GRID2: variants seen among roughly 807,000 people sequenced by gnomAD.
The protein encoded by GRID2 is glutamate ionotropic receptor delta type subunit 2.
Under a neutral mutation model 114.8 loss-of-function variants are expected in GRID2, and 33 were observed. That is an observed-to-expected ratio of 0.29 (90% CI 0.22 to 0.38). The LOEUF is 0.38. Ranked by LOEUF, GRID2 falls within the 10% of genes least tolerant of loss-of-function variation. GRID2 has a pLI of 1.00. For synonymous variants in GRID2, 505 were observed against 449.9 expected, an observed-to-expected ratio of 1.12 and a Z score of -1.55; for missense variants, 1,184 against 1,257.7, an observed-to-expected ratio of 0.94 and a Z score of 0.89.
intron 2 of GRID2, among the ~76,000 whole-genome samples, chr4:92,771,731 G>C (rs1309496827): frequency 6.6e-6 from 1 of 152,158 alleles, no homozygotes; most frequent in Non-Finnish European, 1.5e-5. Flanking sequence ...ACTGGGTAGG[G>C]TTGATGAAAC....
chr4:92,830,302 T>C (rs1340482866), intron 2 of GRID2, among the ~76,000 whole-genome samples: 1 of 151,922 alleles, frequency 6.6e-6, no homozygotes. Flanking sequence ...TTGTTTTTTT[T>C]TTTTTTATTC....
chr4:93,503,292 C>T (rs1728303385), intron 12 of GRID2, among the ~76,000 whole-genome samples: 1 of 151,972 alleles, frequency 6.6e-6, no homozygotes. Context: ...AGGTTCAAGT[C>T]TCTTTTCTCC....
At chr4:92,846,338 C>A (rs1285113127) in intron 2 of GRID2, among the ~76,000 whole-genome samples, 1 of 152,034 alleles carries the variant, frequency 6.6e-6, no homozygotes, top group African/African-American at 2.4e-5. Context: ...CTCCCTCTGG[C>A]AGTCCCCAGT....
intron 14 of GRID2, among the ~76,000 whole-genome samples, chr4:93,742,523 G>A (rs1296375359): frequency 6.6e-6 from 1 of 152,204 alleles, no homozygotes; most frequent in East Asian, 1.9e-4. Flanking sequence ...TGTCAACCCT[G>A]CAAGTCTATC....
chr4:92,501,175 T>G (rs1723664464), intron 1 of GRID2, among the ~76,000 whole-genome samples: 1 of 152,170 alleles, frequency 6.6e-6, no homozygotes, highest in African/African-American at 2.4e-5. Flanking sequence ...TTCAGAAGTA[T>G]ACTTTAATTG....
rs1734163103 is a variant in GRID2, at chr4:93,772,195, T to C, written c.2721T>C (p.Ile907=). 1 of 1,613,918 alleles carries C rather than the reference T, an allele frequency of 6.2e-7. No homozygotes were observed. The highest frequency in any genetic ancestry group is 1.3e-5 in the African/African-American group (1 of 74,884). ...CAATTGATTTGACCCCTCTGGACAT[T>C]GACACTTTGCCAACACGACAAGCAC... ...TSSIDLTPLD[I]DTLPTRQALE... is the part of the protein sequence containing the mutation. The change falls in exon 16 of 16, where the codon ATT becomes ATC. Residue 907 remains isoleucine (I), a synonymous_variant. Transcript: ENST00000282020.
chr4:92,894,118 A>G (rs943462751), intron 2 of GRID2, among the ~76,000 whole-genome samples: 2 of 152,198 alleles, frequency 1.3e-5, no homozygotes, highest in African/African-American at 4.8e-5. Context: ...TTTACTAGGC[A>G]TTTAACAAAA....
intron 4 of GRID2, among the ~76,000 whole-genome samples, chr4:93,131,734 T>A (rs1348066667): frequency 6.6e-6 from 1 of 152,146 alleles, no homozygotes; most frequent in African/African-American, 2.4e-5. Flanking sequence ...AACTGGGATA[T>A]TCATTACCTC....
chr4:92,753,240 G>A (rs1737542485), intron 2 of GRID2, among the ~76,000 whole-genome samples: 1 of 152,146 alleles, frequency 6.6e-6, no homozygotes, highest in Non-Finnish European at 1.5e-5. Flanking sequence ...GGTTTTATTA[G>A]ATTATGTTAT....
At chr4:92,385,728 A>G (rs1729916075) in intron 1 of GRID2, among the ~76,000 whole-genome samples, 1 of 151,528 alleles carries the variant, frequency 6.6e-6, no homozygotes, top group Non-Finnish European at 1.5e-5. Flanking sequence ...ATACATAAAC[A>G]TTTGTGTCCT....
At chr4:92,837,022 A>G (rs1164795771) in intron 2 of GRID2, among the ~76,000 whole-genome samples, 2 of 152,106 alleles carry the variant, frequency 1.3e-5, no homozygotes, top group Non-Finnish European at 2.9e-5. Flanking sequence ...TGCTGGCTGC[A>G]CAGAAGGCCA....
At chr4:92,355,632 CAG>C (rs1470724119) in intron 1 of GRID2, among the ~76,000 whole-genome samples, 4 of 151,736 alleles carry the variant, frequency 2.6e-5, no homozygotes, top group Admixed American at 6.6e-5. Flanking sequence ...GCTTTCCTAA[CAG>C]AGTGTTTTTC....
intron 4 of GRID2, among the ~76,000 whole-genome samples, chr4:93,145,422 T>G (rs1473696946): frequency 6.6e-6 from 1 of 151,284 alleles, no homozygotes; most frequent in Non-Finnish European, 1.5e-5. Flanking sequence ...TGTTTTCATT[T>G]TAATTATTTT....
intron 1 of GRID2, among the ~76,000 whole-genome samples, chr4:92,350,242 C>T (rs1727998268): frequency 6.6e-6 from 1 of 151,750 alleles, no homozygotes; most frequent in South Asian, 2.1e-4. Context: ...ATCTGCTATT[C>T]TTTCCCTTAT....
rs1578668321 is a variant in GRID2, at chr4:93,725,888, T to C, written c.2361-43322T>C. On this transcript the variant is annotated intron_variant, in intron 14 of 15. Coordinates refer to ENST00000282020, the MANE Select transcript of GRID2 (RefSeq NM_001510.4). ...ATTGTAGATTCTGGATATTAGCCCT[T>C]TGTCAGATGATTAGGTTGCAAAAAT... Among the ~76,000 whole-genome samples, 8 of 152,284 alleles carry C rather than the reference T, an allele frequency of 5.3e-5. No homozygotes were observed. In the South Asian group the frequency reaches 1.7e-3, roughly 32 times the overall value.
intron 8 of GRID2, among the ~76,000 whole-genome samples, chr4:93,331,193 T>C (rs112222587): frequency 6.8e-6 from 1 of 145,996 alleles, no homozygotes; most frequent in Non-Finnish European, 1.5e-5. Context: ...TTCCACTTCA[T>C]TCTGGAGACT....
At chr4:93,297,189 T>C (rs1323305488) in intron 8 of GRID2, among the ~76,000 whole-genome samples, 1 of 152,188 alleles carries the variant, frequency 6.6e-6, no homozygotes, top group Non-Finnish European at 1.5e-5. Flanking sequence ...CCATTTCTAT[T>C]ACGCATGGGC....
At chr4:92,537,463 T>A (rs1027450622) in intron 1 of GRID2, among the ~76,000 whole-genome samples, 1 of 152,312 alleles carries the variant, frequency 6.6e-6, no homozygotes, top group African/African-American at 2.4e-5. Flanking sequence ...TAATTACCAA[T>A]CTTCAATTAT....
At chr4:92,586,387 C>CAT (rs1184608237) in intron 1 of GRID2, among the ~76,000 whole-genome samples, 1 of 148,432 alleles carries the variant, frequency 6.7e-6, no homozygotes, top group Non-Finnish European at 1.5e-5. Flanking sequence ...CACACACACA[C>CAT]ACACACATAC....
Sources: gnomAD v4.1 joint callset for allele counts (sites outside exome capture counted in the v4.1 genomes callset) on GRCh38, gnomAD v4.1.1 for gene constraint, MANE v1.5 for transcripts, NCBI Gene and HGNC (gene_info 2026-07-23, HGNC 2026-07-21) for gene names.